RAI1: variants seen among roughly 807,000 people sequenced by gnomAD.
RAI1 encodes the protein retinoic acid-induced protein 1.
A neutral mutation model predicts 123.8 loss-of-function variants in RAI1; 9 were observed. The ratio of observed to expected loss-of-function variants is 0.07; its 90% CI spans 0.04 to 0.13. The LOEUF is 0.13. Among genes scored for constraint, RAI1 ranks in the 10% least tolerant of loss-of-function variants. The pLI, the probability that RAI1 is intolerant of heterozygous loss-of-function variation, is 1.00. For synonymous variants in RAI1, 1,231 were observed against 1,127.3 expected (o/e 1.09, Z -1.84); for missense variants, 2,256 against 2,545.8 (o/e 0.89, Z 2.45).
intron 2 of RAI1, among the ~76,000 whole-genome samples, chr17:17,780,232 A>G (rs1284900434): frequency 6.7e-6 from 1 of 148,816 alleles, no homozygotes; most frequent in Non-Finnish European, 1.5e-5. Flanking sequence ...TGTCAAGTTA[A>G]TTTTTATATT....
At chr17:17,761,238 G>GT (rs1313660095) in intron 2 of RAI1, among the ~76,000 whole-genome samples, 2 of 146,800 alleles carry the variant, frequency 1.4e-5, no homozygotes, top group African/African-American at 5.0e-5. Flanking sequence ...AATGAAAATG[G>GT]TTCTTCTAAG....
rs2032140443 is a variant in RAI1, at chr17:17,794,186, A to G, written c.1238A>G (p.Asn413Ser). 6.2e-7 allele frequency: 1 copy of G among 1,613,736 alleles called. No individual in the cohort carries two copies. Among genetic ancestry groups the G allele is most frequent in the African/African-American group, 1.3e-5 (1 of 75,048 alleles). ...ATSSVDTQAG[N>S]CKPLQKDKLP... ...AGCTCTGTGGACACCCAGGCTGGCAACTGCAAGCCCCTTCAGAAGGACAAG... is the reference window on the plus strand; with the variant it reads ...AGCTCTGTGGACACCCAGGCTGGCAGCTGCAAGCCCCTTCAGAAGGACAAG... Residue 413 changes from asparagine to serine, a missense_variant, in exon 3 of 6, where the codon AAC (asparagine) becomes AGC (serine). Physicochemically the swap from Asn to Ser is conservative, Grantham distance 46. Around this residue, in one of 7 missense-constraint regions of RAI1, gnomAD observed 357 missense variants for 480.2 expected, o/e 0.74. Coordinates refer to ENST00000353383, the MANE Select transcript of RAI1 (RefSeq NM_030665.4).
intron 2 of RAI1, among the ~76,000 whole-genome samples, chr17:17,739,618 C>T (rs1007435510): frequency 2.6e-5 from 4 of 152,224 alleles, no homozygotes; most frequent in Non-Finnish European, 2.9e-5. Context: ...CTCCAGACAC[C>T]GCATCCCCAC....
intron 1 of RAI1, among the ~76,000 whole-genome samples, chr17:17,688,521 G>A (rs1433988871): frequency 6.6e-6 from 1 of 152,080 alleles, no homozygotes; most frequent in African/African-American, 2.4e-5. Flanking sequence ...GATAGTAACA[G>A]GCCCCTCCTG....
At chr17:17,716,281 G>A (rs902596852) in intron 1 of RAI1, among the ~76,000 whole-genome samples, 1 of 152,208 alleles carries the variant, frequency 6.6e-6, no homozygotes, top group Non-Finnish European at 1.5e-5. Context: ...ATGAGCCCTG[G>A]GGCCAGGGAA....
chr17:17,697,172 T>A (rs1007222769), intron 1 of RAI1, among the ~76,000 whole-genome samples: 55 of 152,230 alleles, frequency 3.6e-4, no homozygotes, highest in African/African-American at 1.3e-3. Flanking sequence ...AAATCACAGT[T>A]GCCAGGGACG....
intron 2 of RAI1, chr17:17,759,287 C>T (rs917537584): frequency 2.0e-5 from 3 of 152,216 alleles, no homozygotes; most frequent in East Asian, 1.9e-4. Context: ...TGGCCAACTA[C>T]GAGGAGTTGT....
chr17:17,739,725 A>G (rs1916555666), intron 2 of RAI1, among the ~76,000 whole-genome samples: 1 of 152,156 alleles, frequency 6.6e-6, no homozygotes. Context: ...GTCTTATGCC[A>G]CCACTCCACT....
chr17:17,792,310 T>C (rs781287706), intron 2 of RAI1, among the ~76,000 whole-genome samples: 4 of 151,988 alleles, frequency 2.6e-5, no homozygotes, highest in Non-Finnish European at 5.9e-5. Flanking sequence ...GGTGTGTGTG[T>C]GCATGCGTGT....
chr17:17,695,169 C>T (rs1914980061), intron 1 of RAI1, among the ~76,000 whole-genome samples: 1 of 152,186 alleles, frequency 6.6e-6, no homozygotes, highest in African/African-American at 2.4e-5. Flanking sequence ...GCTGCAGTCT[C>T]TGGGTCTCGA....
chr17:17,684,681 T>C (rs1025365696), intron 1 of RAI1: 1 of 44,892 alleles, frequency 2.2e-5, no homozygotes, highest in African/African-American at 7.7e-5. Context: ...CATATATATA[T>C]ATATATATAT....
intron 2 of RAI1, among the ~76,000 whole-genome samples, chr17:17,731,860 G>A (rs1025125814): frequency 1.3e-5 from 2 of 152,206 alleles, no homozygotes; most frequent in African/African-American, 4.8e-5. Context: ...TCTCGGCTGA[G>A]AAGTAGGTGA....
chr17:17,688,003 C>T (rs796945469), intron 1 of RAI1, among the ~76,000 whole-genome samples: 8 of 127,000 alleles, frequency 6.3e-5, no homozygotes, highest in Non-Finnish European at 1.1e-4. Context: ...GCACTCCAGC[C>T]TGGGTGAAGG....
At chr17:17,724,751 G>A (rs764207097) in intron 2 of RAI1, among the ~76,000 whole-genome samples, 31 of 152,008 alleles carry the variant, frequency 2.0e-4, no homozygotes, top group Non-Finnish European at 4.3e-4. Context: ...GCGCTTCCTC[G>A]GGCCGCTGCG....
At chr17:17,718,894 G>C (rs540351479) in intron 1 of RAI1, among the ~76,000 whole-genome samples, 1 of 152,122 alleles carries the variant, frequency 6.6e-6, no homozygotes, top group Non-Finnish European at 1.5e-5. Flanking sequence ...GGAGGCTGAG[G>C]AGGGGCAGGG....
At chr17:17,776,902 C>CTCA (rs1379342310) in intron 2 of RAI1, 5 of 151,678 alleles carry the variant, frequency 3.3e-5, no homozygotes, top group Non-Finnish European at 5.9e-5. Context: ...TATGCTCAAG[C>CTCA]AATCCTCCTG....
intron 2 of RAI1, among the ~76,000 whole-genome samples, chr17:17,772,211 A>G (rs557063192): frequency 7.9e-4 from 120 of 152,226 alleles, no homozygotes; most frequent in African/African-American, 2.8e-3. Flanking sequence ...GGAGAAATCT[A>G]TTCCTCCCCA....
intron 2 of RAI1, among the ~76,000 whole-genome samples, chr17:17,772,684 C>G (rs2031201797): frequency 6.6e-6 from 1 of 152,232 alleles, no homozygotes; most frequent in African/African-American, 2.4e-5. Context: ...CCCTAGGTCT[C>G]AGGTGAAGTG....
At chr17:17,781,534 G>T (rs1399643454) in intron 2 of RAI1, among the ~76,000 whole-genome samples, 1 of 151,748 alleles carries the variant, frequency 6.6e-6, no homozygotes, top group South Asian at 2.1e-4. Flanking sequence ...ACTGGGGGCG[G>T]AGGGTAGTCT....
Sources: allele counts gnomAD v4.1 joint callset (sites outside exome capture counted in the v4.1 genomes callset), GRCh38; gene constraint gnomAD v4.1.1; regional missense constraint gnomAD v4.1.1; transcripts MANE v1.5; gene names NCBI Gene and HGNC (gene_info 2026-07-23, HGNC 2026-07-21).